The following SCN3A variants were observed in gnomAD, a reference collection of about 807,000 sequenced individuals.
SCN3A encodes the protein sodium voltage-gated channel alpha subunit 3.
A neutral mutation model predicts 187.6 loss-of-function variants in SCN3A; 60 were observed. The ratio of observed to expected loss-of-function variants is 0.32; its 90% CI spans 0.26 to 0.40. SCN3A has a LOEUF of 0.40. SCN3A is among the 10% of genes least tolerant of loss of function. SCN3A has a pLI of 1.00. For synonymous variants in SCN3A, 788 were observed against 829.2 expected (o/e 0.95, Z 0.85); for missense variants, 1,601 against 2,428.2 (o/e 0.66, Z 7.16).
At chr2:165,186,378 G>C (rs1034514774) in intron 2 of SCN3A, among the ~76,000 whole-genome samples, 173 bp downstream of exon 2, 1 of 152,092 alleles carries the variant, frequency 6.6e-6, no homozygotes, top group Non-Finnish European at 1.5e-5. Context: ...AAGGTCATCT[G>C]TGCTATGTCT....
chr2:165,131,362 G>A lies in SCN3A; in HGVS notation c.2447C>T (p.Pro816Leu). 1 of 1,608,340 alleles carries A rather than the reference G, an allele frequency of 6.2e-7. No homozygotes were observed. The highest frequency in any genetic ancestry group is 8.5e-7 in the Non-Finnish European group (1 of 1,176,624). ...EMVLKIIAMD[P>L]YYYFQEGWNI... ...CCAGCCTTCTTGGAAATAGTAATAA[G>A]GATCCATGGCAATGATCTTGAGAAC... The change falls in exon 16 of 28, where the codon CCT (proline) becomes CTT (leucine). Residue 816 changes from proline (P) to leucine (L), a missense_variant. Physicochemically the swap from Pro to Leu is moderately conservative, Grantham distance 98 (BLOSUM62 -3). Around this residue, in one of 11 missense-constraint regions of SCN3A, gnomAD observed 376 missense variants for 476.0 expected, o/e 0.79. Coordinates refer to ENST00000283254, the MANE Select transcript of SCN3A (RefSeq NM_006922.4).
At position 165,137,980 on chromosome 2, in the gene SCN3A, G is replaced by C; in HGVS notation, c.2290C>G (p.Leu764Val). ...AAGACAATGCAAATAGTGATGGCAA[G>C]ATCAACAAATGGATCCATAACAATT... Reference protein sequence around the residue: ...NLIVMDPFVDLAITICIVLNT... With the variant: ...NLIVMDPFVDVAITICIVLNT... Residue 764 changes from leucine (L) to valine (V), a missense_variant, in exon 15 of 28, where the codon CTT becomes GTT. Transcript: ENST00000283254. 4 of 1,613,476 alleles carry C rather than the reference G, an allele frequency of 2.5e-6. No homozygotes were observed. Among genetic ancestry groups the C allele is most frequent in the Non-Finnish European group, 3.4e-6 (4 of 1,179,548 alleles).
At position 165,133,652 on chromosome 2, in the gene SCN3A, C is replaced by CT. The variant is rs570133974; in HGVS notation, c.2392-2236dup. Among the ~76,000 whole-genome samples, 1,075 of 141,798 alleles carry CT rather than the reference C, an allele frequency of 7.6e-3. 18 individuals are homozygous for CT. Among genetic ancestry groups the CT allele is most frequent in the African/African-American group, 0.023 (884 of 38,870 alleles). 93.0% of individuals were successfully genotyped at this position (141,798 alleles called of 152,430 possible). ...AGCCAACACACCCAGCCATGTCTAG[C>CT]TTTTTTTTTTTTTTCCTCTAGGAGA... On this transcript the variant is annotated intron_variant, in intron 15 of 27. Transcript: ENST00000283254.
In SCN3A at chr2:165,178,428, C is replaced by T. The variant is rs529719246; in HGVS notation, c.-50-1984G>A. On this transcript the variant is annotated intron_variant, in intron 2 of 27. Coordinates refer to ENST00000283254, the MANE Select transcript of SCN3A (RefSeq NM_006922.4). ...CTTTGTAGAGATGAGGTTTCAGTCG[C>T]CATTTTGCCCAGGCTGATCTCAAAC... is the stretch of plus-strand genomic sequence containing the variant. 1.1e-4 allele frequency among the ~76,000 whole-genome samples: 16 copies of T among 152,194 alleles called. No homozygotes were observed. In the South Asian group the frequency reaches 2.9e-3, roughly 28 times the overall value.
chr2:165,190,190 G>T (rs1469491010), intron 1 of SCN3A, among the ~76,000 whole-genome samples: 1 of 152,124 alleles, frequency 6.6e-6, no homozygotes, highest in African/African-American at 2.4e-5. Context: ...GATATTAGAG[G>T]GTGAAATATT....
At chr2:165,106,914 G>A (rs573275734) in intron 21 of SCN3A, among the ~76,000 whole-genome samples, 75 of 152,318 alleles carry the variant, frequency 4.9e-4, no homozygotes, top group African/African-American at 1.6e-3. Flanking sequence ...TGGTGTTGAT[G>A]TGCTGAAGAG....
chr2:165,154,604 A>G lies in SCN3A; in HGVS notation c.1228T>C (p.Leu410=), dbSNP rs542781681. 6.2e-7 allele frequency: 1 copy of G among 1,614,180 alleles called. No individual in the cohort carries two copies. The highest frequency in any genetic ancestry group is 8.5e-7 in the Non-Finnish European group (1 of 1,180,020). Residue 410 remains leucine, a synonymous_variant, in exon 11 of 28, where the codon TTG becomes CTG. Transcript: ENST00000283254. The part of the protein sequence containing the change: ...YMIFFVLVIF[L]GSFYLVNLIL... Reference sequence around the variant, plus strand: ...AAATTCACCAAATAAAATGAGCCCAAGAAAATGACCAGGACAAAAAATATC... The same window carrying G: ...AAATTCACCAAATAAAATGAGCCCAGGAAAATGACCAGGACAAAAAATATC...
chr2:165,139,341 T>G (rs1687856016), intron 14 of SCN3A, 135 bp downstream of exon 14: 2 of 1,184,002 alleles, frequency 1.7e-6, no homozygotes, highest in South Asian at 2.6e-5. Context: ...GATAATGTAC[T>G]CCATATATCA....
At chr2:165,168,960 T>G in intron 4 of SCN3A, 135 bp from the exon 5 acceptor site, 2 of 659,118 alleles carry the variant, frequency 3.0e-6, no homozygotes, top group Non-Finnish European at 5.3e-6. Flanking sequence ...GATAAAATAA[T>G]AAGAAACTTC....
Position 165,146,979 on chromosome 2 carries a change from C to T in SCN3A, c.1431G>A (p.Gly477=), listed in dbSNP as rs550200013. ...AAGAACTTTCCAACAGCTCTCCTAA[C>T]CCACCTATTCCACTGAAATCTCTTG... is the stretch of plus-strand genomic sequence containing the variant. The part of the protein sequence containing the change: ...AASRDFSGIG[G]LGELLESSSE... The change falls in exon 12 of 28, where the codon GGG becomes GGA. Residue 477 remains glycine (G), a synonymous_variant. Coordinates refer to ENST00000283254, the MANE Select transcript of SCN3A (RefSeq NM_006922.4). 1.1e-5 allele frequency: 17 copies of T among 1,614,066 alleles called. No individual in the cohort carries two copies. The highest frequency in any genetic ancestry group is 6.7e-5 in the Admixed American group (4 of 60,002).
intron 11 of SCN3A, among the ~76,000 whole-genome samples, 180 bp from the exon 12 acceptor site, chr2:165,147,209 T>C (rs1214995490): frequency 6.7e-6 from 1 of 150,154 alleles, no homozygotes; most frequent in African/African-American, 2.4e-5. Flanking sequence ...TTAAATCATA[T>C]AAAGCAATAT....
At chr2:165,097,134 A>G in intron 23 of SCN3A, 118 bp downstream of exon 23, 2 of 1,037,892 alleles carry the variant, frequency 1.9e-6, no homozygotes, top group South Asian at 3.0e-5. Context: ...TATAGGTGTT[A>G]TCATTAACTT....
intron 12 of SCN3A, among the ~76,000 whole-genome samples, chr2:165,146,475 A>G (rs954210293): frequency 6.1e-5 from 9 of 148,134 alleles, no homozygotes; most frequent in African/African-American, 2.2e-4. Flanking sequence ...GGTTATATCA[A>G]TATATATTAT....
intron 15 of SCN3A, among the ~76,000 whole-genome samples, chr2:165,132,794 A>T (rs943860446): frequency 8.5e-5 from 13 of 152,338 alleles, no homozygotes; most frequent in Non-Finnish European, 1.3e-4. Context: ...ATCTAATTAA[A>T]CTAAAGAGCT....
chr2:165,185,449 A>T (rs1691171703), intron 2 of SCN3A, among the ~76,000 whole-genome samples: 1 of 152,216 alleles, frequency 6.6e-6, no homozygotes, highest in African/African-American at 2.4e-5. Context: ...GTCTGTAAAA[A>T]GTTTCTTCAC....
intron 6 of SCN3A, chr2:165,163,978 C>T: frequency 8.0e-7 from 1 of 1,250,420 alleles, no homozygotes; most frequent in Non-Finnish European, 1.1e-6. Flanking sequence ...CACATAGAGC[C>T]CTGTGAGTTT....
intron 1 of SCN3A, chr2:165,194,835 A>T (rs1290203689): frequency 6.6e-6 from 1 of 152,086 alleles, no homozygotes; most frequent in Non-Finnish European, 1.5e-5. Flanking sequence ...AAAAGATGAA[A>T]AAAAAAAGTC....
chr2:165,127,230 C>T (rs1012879247), intron 18 of SCN3A, among the ~76,000 whole-genome samples: 7 of 147,844 alleles, frequency 4.7e-5, no homozygotes, highest in Admixed American at 1.3e-4. Context: ...AGTGAATTTT[C>T]GTATTTTTTT....
chr2:165,089,901 G>A lies in SCN3A; in HGVS notation c.*249C>T. The A allele has an allele frequency of 1.9e-6, 1 of 520,000 alleles. No homozygotes were observed. Among genetic ancestry groups the A allele is most frequent in the Non-Finnish European group, 3.4e-6 (1 of 290,554 alleles). 32.2% of individuals were successfully genotyped at this position (520,000 alleles called of 1,614,324 possible). A position where few individuals can be genotyped will look rare whatever the true frequency, so the allele number is the denominator to read the frequency against. Reference sequence around the variant, plus strand: ...CACAACTATCCCTATAGTCTAGGTAGCCATTGGGTTTCTCCTCAGCAGTGT... The same window carrying A: ...CACAACTATCCCTATAGTCTAGGTAACCATTGGGTTTCTCCTCAGCAGTGT... On this transcript the variant is annotated 3_prime_UTR_variant, in exon 28 of 28. Transcript: ENST00000283254.
Sources: gnomAD v4.1 joint callset for allele counts (sites outside exome capture counted in the v4.1 genomes callset) on GRCh38, gnomAD v4.1.1 for gene constraint, gnomAD v4.1.1 regional missense constraint, MANE v1.5 for transcripts, NCBI Gene and HGNC (gene_info 2026-07-23, HGNC 2026-07-21) for gene names.